ESRRG: variants seen among roughly 807,000 people sequenced by gnomAD.
The protein encoded by ESRRG is estrogen related receptor gamma.
A neutral mutation model predicts 44.0 loss-of-function variants in ESRRG; 13 were observed. That is an observed-to-expected ratio of 0.30 (90% CI 0.19 to 0.47). ESRRG has a LOEUF of 0.47. Among genes scored for constraint, ESRRG ranks in the 20% least tolerant of loss-of-function variants. The pLI is 1.00. For missense variants in ESRRG, 395 were observed against 580.6 expected (o/e 0.68, Z 3.29); for synonymous variants, 215 against 214.6 (o/e 1.00, Z -0.02).
At chr1:216,771,545 A>T (rs541461219) in intron 2 of ESRRG, among the ~76,000 whole-genome samples, 69 of 152,214 alleles carry the variant, frequency 4.5e-4, no homozygotes, top group African/African-American at 1.6e-3. Context: ...TAACTGGGAG[A>T]TGCTGACAAC....
intron 2 of ESRRG, among the ~76,000 whole-genome samples, chr1:216,821,526 A>G (rs1176212353): frequency 6.6e-6 from 1 of 151,276 alleles, no homozygotes; most frequent in Non-Finnish European, 1.5e-5. Flanking sequence ...TCTCTATAAA[A>G]ATGTATAAAT....
At chr1:216,892,546 C>T (rs1358838617) in intron 2 of ESRRG, among the ~76,000 whole-genome samples, 1 of 152,192 alleles carries the variant, frequency 6.6e-6, no homozygotes, top group Non-Finnish European at 1.5e-5. Flanking sequence ...TCAGTTCCTT[C>T]TATCCTCTTT....
At chr1:216,749,454 T>C (rs1314393838) in intron 2 of ESRRG, among the ~76,000 whole-genome samples, 1 of 152,180 alleles carries the variant, frequency 6.6e-6, no homozygotes, top group Non-Finnish European at 1.5e-5. Context: ...ATACGCTGTG[T>C]GTGGGTCCAC....
intron 3 of ESRRG, among the ~76,000 whole-genome samples, chr1:216,584,890 G>A (rs1439885838): frequency 6.6e-6 from 1 of 152,130 alleles, no homozygotes; most frequent in Non-Finnish European, 1.5e-5. Context: ...GTGTAACAGA[G>A]TAGTTTTAAG....
At chr1:216,639,881 C>T (rs1371715210) in intron 3 of ESRRG, among the ~76,000 whole-genome samples, 1 of 152,162 alleles carries the variant, frequency 6.6e-6, no homozygotes, top group Non-Finnish European at 1.5e-5. Context: ...GAGTATCTTA[C>T]AGTTGGGGCT....
At chr1:217,100,530 T>C (rs2092495164) in intron 1 of ESRRG, among the ~76,000 whole-genome samples, 1 of 152,186 alleles carries the variant, frequency 6.6e-6, no homozygotes, top group Non-Finnish European at 1.5e-5. Flanking sequence ...GCCAGTTAGT[T>C]GTATTAGCCC....
intron 1 of ESRRG, among the ~76,000 whole-genome samples, chr1:216,943,934 A>G (rs2065667574): frequency 6.6e-6 from 1 of 152,180 alleles, no homozygotes; most frequent in Non-Finnish European, 1.5e-5. Flanking sequence ...TGTAGGGCAA[A>G]GACAACTTCA....
At chr1:216,610,495 G>A (rs539745219) in intron 3 of ESRRG, among the ~76,000 whole-genome samples, 3 of 152,102 alleles carry the variant, frequency 2.0e-5, no homozygotes, top group African/African-American at 4.8e-5. Context: ...GTCTCTGATC[G>A]TTAGTGTTTG....
At chr1:216,578,673 T>C (rs1220227354) in intron 3 of ESRRG, among the ~76,000 whole-genome samples, 2 of 152,154 alleles carry the variant, frequency 1.3e-5, no homozygotes, top group Admixed American at 6.5e-5. Flanking sequence ...ACCCCATTCA[T>C]CTACCAATGG....
chr1:216,644,427 CT>C (rs71161439), intron 3 of ESRRG, among the ~76,000 whole-genome samples: 35 of 128,474 alleles, frequency 2.7e-4, no homozygotes, highest in South Asian at 9.9e-4. Context: ...TTCTTTCTTT[CT>C]TTTTTTTTTT....
chr1:217,083,834 A>G (rs2091916361), intron 1 of ESRRG, among the ~76,000 whole-genome samples: 1 of 152,240 alleles, frequency 6.6e-6, no homozygotes, highest in African/African-American at 2.4e-5. Flanking sequence ...GGAAAAATAT[A>G]TAGCCCATGT....
intron 1 of ESRRG, among the ~76,000 whole-genome samples, chr1:217,003,891 A>C (rs2077391679): frequency 6.6e-6 from 1 of 152,064 alleles, no homozygotes; most frequent in Non-Finnish European, 1.5e-5. Context: ...ATAAAAAAAA[A>C]AGAAGTCATC....
intron 2 of ESRRG, among the ~76,000 whole-genome samples, chr1:216,878,337 A>T (rs1421599337): frequency 1.3e-5 from 2 of 152,168 alleles, no homozygotes; most frequent in Non-Finnish European, 2.9e-5. Flanking sequence ...CATCAGTATT[A>T]GGCACTATAA....
chr1:216,861,193 AT>A (rs1247321929), intron 2 of ESRRG, among the ~76,000 whole-genome samples: 2 of 152,100 alleles, frequency 1.3e-5, no homozygotes, highest in African/African-American at 2.4e-5. Flanking sequence ...AAACAAAAAA[AT>A]GAAATAAATA....
In ESRRG at chr1:216,611,354, G is replaced by C. The variant is rs189374351; in HGVS notation, c.589+39619C>G. On this transcript the variant is annotated intron_variant, in intron 3 of 6. Coordinates refer to ENST00000408911, the MANE Select transcript of ESRRG (RefSeq NM_001438.4). ...AAATCAATAATCAGATTCTCCTAGA[G>C]TAGCCTGAAGACCTAATTCCATTGG... Among the ~76,000 whole-genome samples, 6 of 151,912 alleles carry C rather than the reference G, an allele frequency of 3.9e-5. No homozygotes were observed. In the East Asian group the frequency reaches 1.2e-3, roughly 29 times the overall value.
intron 5 of ESRRG, among the ~76,000 whole-genome samples, chr1:216,533,575 G>T (rs895473441): frequency 1.3e-5 from 2 of 152,128 alleles, no homozygotes; most frequent in Non-Finnish European, 2.9e-5. Flanking sequence ...GAAAAGGGAA[G>T]TTGGGGAGTT....
intron 3 of ESRRG, among the ~76,000 whole-genome samples, chr1:216,638,046 A>G (rs1015508232): frequency 2.0e-5 from 3 of 152,162 alleles, no homozygotes; most frequent in Non-Finnish European, 4.4e-5. Flanking sequence ...AGCACCTACT[A>G]TGTGATCATT....
intron 1 of ESRRG, among the ~76,000 whole-genome samples, chr1:217,122,665 T>TC (rs2092835512): frequency 3.5e-5 from 1 of 28,850 alleles, no homozygotes; most frequent in African/African-American, 1.4e-4. Context: ...ACACACACAC[T>TC]TTTTTTTTTT....
At chr1:216,512,620 G>A (rs893930016) in intron 6 of ESRRG, among the ~76,000 whole-genome samples, 4 of 152,144 alleles carry the variant, frequency 2.6e-5, no homozygotes, top group Non-Finnish European at 4.4e-5. Context: ...ATAGGAACAA[G>A]ACACTTGAAG....
Sources: allele counts gnomAD v4.1 joint callset (sites outside exome capture counted in the v4.1 genomes callset), GRCh38; gene constraint gnomAD v4.1.1; transcripts MANE v1.5; gene names NCBI Gene and HGNC (gene_info 2026-07-23, HGNC 2026-07-21).